The following ALPK2 variants were observed in gnomAD, a reference collection of about 807,000 sequenced individuals.
ALPK2 encodes the protein alpha kinase 2.
In ALPK2, 127 loss-of-function variants were observed where a neutral mutation model predicts 163.1. The ratio of observed to expected loss-of-function variants is 0.78; its 90% CI spans 0.67 to 0.90. The LOEUF is 0.90. Among genes scored for constraint, ALPK2 ranks in the 40% least tolerant of loss-of-function variants. The probability of loss-of-function intolerance (pLI) is 0.00; values close to 1 mark genes in which losing one functional copy is unlikely to be tolerated. For synonymous variants in ALPK2, 953 were observed against 959.1 expected (o/e 0.99, Z 0.12); for missense variants, 2,360 against 2,589.6 (o/e 0.91, Z 1.92).
At chr18:58,531,152 G>A (rs994767718) in intron 5 of ALPK2, among the ~76,000 whole-genome samples, 8 of 152,102 alleles carry the variant, frequency 5.3e-5, no homozygotes, top group South Asian at 2.1e-4. Flanking sequence ...CCATGATCTC[G>A]CCACTGCAAT....
intron 1 of ALPK2, among the ~76,000 whole-genome samples, chr18:58,614,916 C>T (rs369844195): frequency 1.3e-5 from 2 of 152,180 alleles, no homozygotes; most frequent in South Asian, 2.1e-4. Flanking sequence ...ACCCTCCCCC[C>T]CAACACACAC....
At chr18:58,552,516 A>G (rs1021979742) in intron 4 of ALPK2, among the ~76,000 whole-genome samples, 1 of 152,248 alleles carries the variant, frequency 6.6e-6, no homozygotes, top group South Asian at 2.1e-4. Flanking sequence ...AGAAGGGACA[A>G]GTGTATCAAG....
intron 4 of ALPK2, among the ~76,000 whole-genome samples, chr18:58,552,013 C>T (rs1288694644): frequency 2.0e-5 from 3 of 152,114 alleles, no homozygotes; most frequent in Admixed American, 2.0e-4. Flanking sequence ...GTAAATGGTT[C>T]TCATGATGGT....
intron 4 of ALPK2, among the ~76,000 whole-genome samples, chr18:58,539,171 A>C (rs1016871503): frequency 6.6e-6 from 1 of 152,180 alleles, no homozygotes; most frequent in Non-Finnish European, 1.5e-5. Context: ...CTAATGAATA[A>C]ATGGACTTAT....
chr18:58,563,059 C>A (rs183954229), intron 4 of ALPK2, among the ~76,000 whole-genome samples: 3 of 152,326 alleles, frequency 2.0e-5, no homozygotes, highest in Admixed American at 6.5e-5. Flanking sequence ...GAGTGATGCT[C>A]CCCCTGGGGG....
intron 4 of ALPK2, among the ~76,000 whole-genome samples, chr18:58,558,185 C>G (rs2051804708): frequency 6.6e-6 from 1 of 152,116 alleles, no homozygotes; most frequent in African/African-American, 2.4e-5. Context: ...ATCTACCCTT[C>G]CAAATTAATT....
At chr18:58,573,613 C>CTTTTTTTTT (rs778622176) in intron 4 of ALPK2, among the ~76,000 whole-genome samples, 5 of 51,730 alleles carry the variant, frequency 9.7e-5, no homozygotes, top group African/African-American at 1.6e-4. Flanking sequence ...TTTTTGTCTT[C>CTTTTTTTTT]TTTTTTTTTT....
At chr18:58,552,495 T>C (rs964395753) in intron 4 of ALPK2, among the ~76,000 whole-genome samples, 1 of 152,114 alleles carries the variant, frequency 6.6e-6, no homozygotes, top group African/African-American at 2.4e-5. Flanking sequence ...ATAATCTACT[T>C]GGGGGAGAAG....
At position 58,504,122 on chromosome 18, in the gene ALPK2, C is replaced by T. The variant is rs1028453370; in HGVS notation, c.6056G>A (p.Arg2019Gln). 6.2e-6 allele frequency: 10 copies of T among 1,613,954 alleles called. No individual in the cohort carries two copies. Among genetic ancestry groups the T allele is most frequent in the East Asian group, 2.2e-5 (1 of 44,902 alleles). The change falls in exon 11 of 13, where the codon CGG becomes CAG. Residue 2019 changes from arginine (R) to glutamine (Q), a missense_variant. Arg to Gln is a conservative substitution (Grantham distance 43). Coordinates refer to ENST00000361673, the MANE Select transcript of ALPK2 (RefSeq NM_052947.4). ...PEIIPIFLIH[R>Q]PENNIPYATV... is the part of the protein sequence containing the mutation. ...AGCATACGGGATATTGTTCTCAGGC[C>T]GATGGATAAGAAAAATAGGAATGAT...
In ALPK2 at chr18:58,481,974, C is replaced by A; in HGVS notation, c.6362G>T (p.Cys2121Phe). ...TCCCAGCATTTTGCAATACTTGTTACACTGGTGTAGTGCTTTAAACTGATC... is the reference window on the plus strand; with the variant it reads ...TCCCAGCATTTTGCAATACTTGTTAAACTGGTGTAGTGCTTTAAACTGATC... ...FIDQFKALHQ[C>F]NKYCKMLGLK... Residue 2121 changes from cysteine (C) to phenylalanine (F), a missense_variant, in exon 13 of 13, where the codon TGT (cysteine) becomes TTT (phenylalanine). Transcript: ENST00000361673. 1 of 1,614,158 alleles carries A rather than the reference C, an allele frequency of 6.2e-7. No homozygotes were observed. Among genetic ancestry groups the A allele is most frequent in the Non-Finnish European group, 8.5e-7 (1 of 1,180,030 alleles).
chr18:58,539,269 C>T (rs1274820045), intron 4 of ALPK2, among the ~76,000 whole-genome samples: 1 of 151,956 alleles, frequency 6.6e-6, no homozygotes, highest in Non-Finnish European at 1.5e-5. Context: ...AATAGATGCC[C>T]AGTGGCAGGC....
chr18:58,627,539 C>T (rs149018896), intron 1 of ALPK2, among the ~76,000 whole-genome samples: 360 of 152,246 alleles, frequency 2.4e-3, no homozygotes, highest in African/African-American at 8.3e-3. Context: ...GCAGGAGAAT[C>T]GCTTGAACCC....
rs780203171 is a variant in ALPK2 at position 58,529,193 on chromosome 18, T to A, written c.5399A>T (p.His1800Leu). 3 of 1,613,738 alleles carry A rather than the reference T, an allele frequency of 1.9e-6. No homozygotes were observed. Among genetic ancestry groups the A allele is most frequent in the Non-Finnish European group, 2.5e-6 (3 of 1,179,890 alleles). Residue 1800 changes from histidine to leucine, a missense_variant, in exon 6 of 13, where the codon CAC (histidine) becomes CTC (leucine). Transcript: ENST00000361673. ...KKIQAEMFPE[H>L]SGNVKLSCQF... ...GCAGCTTAATTTTACATTTCCAGAG[T>A]GTTCAGGGAACATCTCAGCTTGGAT...
intron 3 of ALPK2, among the ~76,000 whole-genome samples, chr18:58,588,300 C>T (rs967540498): frequency 1.6e-4 from 25 of 152,268 alleles, no homozygotes; most frequent in African/African-American, 5.5e-4. Context: ...TAATACGGTT[C>T]GGGACCACTG....
At chr18:58,515,705 G>A (rs546254072) in intron 9 of ALPK2, among the ~76,000 whole-genome samples, 5 of 152,366 alleles carry the variant, frequency 3.3e-5, no homozygotes, top group African/African-American at 1.2e-4. Flanking sequence ...GAGCAAGGCT[G>A]CCTTCAGAAG....
At chr18:58,571,275 C>G (rs1242427947) in intron 4 of ALPK2, among the ~76,000 whole-genome samples, 1 of 152,118 alleles carries the variant, frequency 6.6e-6, no homozygotes, top group African/African-American at 2.4e-5. Context: ...CCCACCTCAG[C>G]CTCCCAAAAT....
chr18:58,546,912 T>G (rs866612095), intron 4 of ALPK2, among the ~76,000 whole-genome samples: 1 of 152,184 alleles, frequency 6.6e-6, no homozygotes, highest in Non-Finnish European at 1.5e-5. Flanking sequence ...TTCTGAATAG[T>G]CTCTGGGGGG....
chr18:58,499,512 C>T (rs192698186), intron 11 of ALPK2, among the ~76,000 whole-genome samples: 125 of 152,340 alleles, frequency 8.2e-4, no homozygotes, highest in Non-Finnish European at 1.4e-3. Context: ...TCCCTCTTGA[C>T]CTTTCCAGAA....
intron 3 of ALPK2, among the ~76,000 whole-genome samples, chr18:58,594,519 G>A (rs1247752867): frequency 6.6e-6 from 1 of 152,194 alleles, no homozygotes; most frequent in African/African-American, 2.4e-5. Context: ...CATCTTGGGA[G>A]CAGGACTAAG....
Sources: allele counts gnomAD v4.1 joint callset (sites outside exome capture counted in the v4.1 genomes callset), GRCh38; gene constraint gnomAD v4.1.1; transcripts MANE v1.5; gene names NCBI Gene and HGNC (gene_info 2026-07-23, HGNC 2026-07-21).